The following TMEM120B variants were observed in gnomAD, a reference collection of about 807,000 sequenced individuals.
TMEM120B encodes the protein transmembrane protein 120B.
TMEM120B carries 31 observed loss-of-function variants against 55.5 expected under a neutral mutation model. The observed-to-expected ratio is 0.56, with a 90% CI of 0.42 to 0.75. TMEM120B has a LOEUF of 0.75. Ranked by LOEUF, TMEM120B falls within the 30% of genes least tolerant of loss-of-function variation. The pLI is 0.00. For synonymous variants in TMEM120B, 203 were observed against 176.3 expected (o/e 1.15, Z -1.20); for missense variants, 399 against 425.5 (o/e 0.94, Z 0.55).
rs185364194 is a variant in TMEM120B, at chr12:121,763,248, C to T, written c.551+1510C>T. Among the ~76,000 whole-genome samples, 112 of 148,560 alleles carry T rather than the reference C, an allele frequency of 7.5e-4. No homozygotes were observed. The East Asian group carries it at 0.016, about 22-fold the overall frequency. On this transcript the variant is annotated intron_variant, in intron 6 of 11. Coordinates refer to ENST00000449592, the MANE Select transcript of TMEM120B (RefSeq NM_001080825.2). ...CGCAATCTCGGCTCACTGCAACCTC[C>T]GCCTCCCGGGTTCACGCCATTCTCC...
Position 121,775,600 on chromosome 12 carries a change from C to T in TMEM120B, c.907-9C>T. 6.2e-7 allele frequency: 1 copy of T among 1,611,258 alleles called. No homozygotes were observed. Among genetic ancestry groups the T allele is most frequent in the Non-Finnish European group, 8.5e-7 (1 of 1,178,134 alleles). ...CCCCAGCCTCGCCCTCCTCTCTGGACTCCCCCAGGTGTTCGTACTGGCGTT... is the reference window on the plus strand; with the variant it reads ...CCCCAGCCTCGCCCTCCTCTCTGGATTCCCCCAGGTGTTCGTACTGGCGTT... On this transcript the variant is annotated splice_polypyrimidine_tract_variant and intron_variant, in intron 11 of 11. Coordinates refer to ENST00000449592, the MANE Select transcript of TMEM120B (RefSeq NM_001080825.2). The surrounding 1 kb of genome is among the most constrained non-coding windows in gnomAD (Gnocchi z 4.3).
In TMEM120B at chr12:121,770,923, G is replaced by T. The variant is rs1030906423; in HGVS notation, c.568G>T (p.Val190Leu). 2 of 1,614,100 alleles carry T rather than the reference G, an allele frequency of 1.2e-6. No individual in the cohort carries two copies. Among genetic ancestry groups the T allele is most frequent in the Admixed American group, 3.3e-5 (2 of 60,006 alleles). Residue 190 changes from valine (V) to leucine (L), a missense_variant, in exon 7 of 12, where the codon GTG becomes TTG. Val to Leu is a conservative substitution (Grantham distance 32). Transcript: ENST00000449592. ...TCTCCCGAGAATTAAAGGCTGGTGG[G>T]TGTCTCACCACTACGTCTCCACATT... ...SNGSRIKGWWVSHHYVSTFLS... is the reference protein window; with the variant it reads ...SNGSRIKGWWLSHHYVSTFLS...
chr12:121,780,455 TG>T lies in TMEM120B; in HGVS notation c.*4734del. On this transcript the variant is annotated 3_prime_UTR_variant, in exon 12 of 12. Coordinates refer to ENST00000449592, the MANE Select transcript of TMEM120B (RefSeq NM_001080825.2). ...TTCCCCCATGCCTCACCCAAAGAGT[TG>T]CACGGTCAATTGGCCCGTGAAGGGG... is the stretch of plus-strand genomic sequence containing the variant. The T allele has an allele frequency of 3.3e-6, 1 of 304,692 alleles. No individual in the cohort carries two copies. The highest frequency in any genetic ancestry group is 6.1e-6 in the Non-Finnish European group (1 of 163,168). 18.9% of individuals were successfully genotyped at this position (304,692 alleles called of 1,614,324 possible).
intron 6 of TMEM120B, among the ~76,000 whole-genome samples, chr12:121,769,159 A>G (rs1342468057): frequency 2.6e-4 from 27 of 104,978 alleles, no homozygotes; most frequent in Admixed American, 2.5e-3. Context: ...AAAAAAAAAA[A>G]GGCAAAAAAA....
chr12:121,719,076 G>C (rs2136968399), intron 1 of TMEM120B, among the ~76,000 whole-genome samples: 1 of 152,262 alleles, frequency 6.6e-6, no homozygotes, highest in Admixed American at 6.6e-5. Flanking sequence ...GGCCCAGCTT[G>C]GGTCATGTGA....
In TMEM120B at chr12:121,779,607, T is replaced by C. The variant is rs1592954463; in HGVS notation, c.*3885T>C. 1 of 1,614,194 alleles carries C rather than the reference T, an allele frequency of 6.2e-7. No homozygotes were observed. Among genetic ancestry groups the C allele is most frequent in the Non-Finnish European group, 8.5e-7 (1 of 1,180,024 alleles). The stretch of plus-strand genomic sequence containing the variant: ...GACGTCCTCCACATTCTCCCGAAAC[T>C]TGGCGGAACATTCCAGGTAGAGAGC... On this transcript the variant is annotated 3_prime_UTR_variant, in exon 12 of 12. Coordinates refer to ENST00000449592, the MANE Select transcript of TMEM120B (RefSeq NM_001080825.2).
In TMEM120B at chr12:121,780,906, C is replaced by T. The variant is rs753911093; in HGVS notation, c.*5184C>T. 1.8e-5 allele frequency: 29 copies of T among 1,613,700 alleles called. No individual in the cohort carries two copies. The highest frequency in any genetic ancestry group is 8.3e-5 in the Admixed American group (5 of 59,990). ...GGTGATGGGCTCCAGCTGGGCGGCC[C>T]GGAGCTTCCGCAGCTGCTCCTTGTC... On this transcript the variant is annotated 3_prime_UTR_variant, in exon 12 of 12. Transcript: ENST00000449592.
intron 1 of TMEM120B, among the ~76,000 whole-genome samples, chr12:121,723,020 G>C (rs1894825212): frequency 6.6e-6 from 1 of 151,868 alleles, no homozygotes; most frequent in South Asian, 2.1e-4. Context: ...GGCTAATTTT[G>C]TATTTGTAGT....
At chr12:121,759,203 G>A (rs1873589139) in intron 5 of TMEM120B, among the ~76,000 whole-genome samples, 1 of 141,806 alleles carries the variant, frequency 7.1e-6, no homozygotes, top group Non-Finnish European at 1.5e-5. Context: ...GTGAGCCACC[G>A]CACCCAGCCA....
chr12:121,720,690 G>A (rs1170105362), intron 1 of TMEM120B, among the ~76,000 whole-genome samples: 1 of 152,014 alleles, frequency 6.6e-6, no homozygotes, highest in African/African-American at 2.4e-5. Flanking sequence ...ACTCCAGACT[G>A]GGCGACAGAG....
rs556379615 is a variant in TMEM120B at position 121,771,425 on chromosome 12, G to A, written c.618-63G>A. ...CTCTTCTGGTTGGAATGGAGTTGGG[G>A]CGGGGAGGAATGTCTCATTTCATAG... On this transcript the variant is annotated intron_variant, in intron 7 of 11. Transcript: ENST00000449592. 1.6e-4 allele frequency: 220 copies of A among 1,403,320 alleles called. 5 individuals carry two copies. In the South Asian group the frequency reaches 2.4e-3, roughly 15 times the overall value. The allele number at this position is 1,403,320 out of a possible 1,614,324, so 86.9% of individuals were successfully genotyped here.
intron 1 of TMEM120B, among the ~76,000 whole-genome samples, chr12:121,717,277 C>T (rs958431834): frequency 3.9e-5 from 6 of 152,156 alleles, no homozygotes; most frequent in Non-Finnish European, 5.9e-5. Flanking sequence ...GAAGGTGGCC[C>T]GTAGCAGCTT....
At chr12:121,727,406 C>T (rs1188233172) in intron 1 of TMEM120B, among the ~76,000 whole-genome samples, 2 of 151,670 alleles carry the variant, frequency 1.3e-5, no homozygotes, top group Non-Finnish European at 2.9e-5. Flanking sequence ...CATGGTCGTG[C>T]GTGCCCATGG....
chr12:121,748,387 A>C lies in TMEM120B; in HGVS notation c.250A>C (p.Lys84Gln). The C allele has an allele frequency of 6.2e-7, 1 of 1,610,926 alleles. No individual in the cohort carries two copies. The highest frequency in any genetic ancestry group is 8.5e-7 in the Non-Finnish European group (1 of 1,178,606). Residue 84 changes from lysine (K) to glutamine (Q), a missense_variant, in exon 3 of 12, where the codon AAG (lysine) becomes CAG (glutamine). This residue lies in a region of TMEM120B where 133 missense variants were observed against 104.1 expected (regional missense o/e 1.28). Transcript: ENST00000449592. The stretch of plus-strand genomic sequence containing the variant: ...CGTTCAGCAGATGGCAGCGAACATC[A>C]AGGAGCGGCAGGACGTCTTCTTCGA... ...ELVQQMAANIKERQDVFFDME... is the reference protein window; with the variant it reads ...ELVQQMAANIQERQDVFFDME...
intron 6 of TMEM120B, among the ~76,000 whole-genome samples, chr12:121,764,515 C>T (rs1050388848): frequency 1.3e-5 from 2 of 150,178 alleles, no homozygotes; most frequent in African/African-American, 4.9e-5. Flanking sequence ...GAGTGAAACT[C>T]GGTCTAAAAA....
Position 121,748,324 on chromosome 12 carries a change from A to G in TMEM120B, c.189-2A>G, listed in dbSNP as rs1566516019. 1.2e-6 allele frequency: 2 copies of G among 1,608,654 alleles called. No individual in the cohort carries two copies. The highest frequency in any genetic ancestry group is 1.7e-6 in the Non-Finnish European group (2 of 1,176,902). On this transcript the variant is annotated splice_acceptor_variant, in intron 2 of 11. Coordinates refer to ENST00000449592, the MANE Select transcript of TMEM120B (RefSeq NM_001080825.2). LOFTEE classifies it high-confidence loss of function. ...CCCCTGTGCCTGCATCTCTGTCCGC[A>G]GGTGCAAACGCCATGCCAGTCGGGA...
chr12:121,752,070 C>T, intron 4 of TMEM120B, 58 bp from the exon 5 acceptor site: 10 of 1,453,134 alleles, frequency 6.9e-6, no homozygotes, highest in Non-Finnish European at 9.6e-6. Context: ...AGGGCCATGC[C>T]CAGGTGCTGG....
Position 121,781,136 on chromosome 12 carries a change from G to C in TMEM120B, c.*5414G>C, listed in dbSNP as rs1391203488. On this transcript the variant is annotated 3_prime_UTR_variant, in exon 12 of 12. Coordinates refer to ENST00000449592, the MANE Select transcript of TMEM120B (RefSeq NM_001080825.2). ...GGATTCATGACGTCATAGCAGATGA[G>C]CACGAGGTGGGTGTTCTGGTAGGAC... The C allele has an allele frequency of 1.2e-6, 2 of 1,614,246 alleles. No individual in the cohort carries two copies. Among genetic ancestry groups the C allele is most frequent in the East Asian group, 2.2e-5 (1 of 44,890 alleles).
chr12:121,772,101 TTCTCTCTTTCTCTCTC>T (rs1566526492), intron 8 of TMEM120B, among the ~76,000 whole-genome samples: 3 of 139,876 alleles, frequency 2.1e-5, no homozygotes, highest in Non-Finnish European at 4.5e-5. Flanking sequence ...CTCTCTCTCT[TTCTCTCTTTCTCTCTC>T]TCTCTCTTTC....
Sources: gnomAD v4.1 joint callset for allele counts (sites outside exome capture counted in the v4.1 genomes callset) on GRCh38, gnomAD v4.1.1 for gene constraint, gnomAD v4.1.1 regional missense constraint, Gnocchi (gnomAD v3.1) non-coding constraint, MANE v1.5 for transcripts, NCBI Gene and HGNC (gene_info 2026-07-23, HGNC 2026-07-21) for gene names.